CNTRL: variants seen among roughly 807,000 people sequenced by gnomAD.
CNTRL encodes the protein 110 kDa centrosomal protein.
Under a neutral mutation model 303.7 loss-of-function variants are expected in CNTRL, and 233 were observed. That is an observed-to-expected ratio of 0.77 (90% confidence interval 0.69 to 0.86). The LOEUF is 0.86. Among genes scored for constraint, CNTRL ranks in the 40% least tolerant of loss-of-function variants. The pLI, the probability that CNTRL is intolerant of heterozygous loss-of-function variation, is 0.00. For missense variants in CNTRL, 2,524 were observed against 2,650.6 expected, an observed-to-expected ratio of 0.95 and a Z score of 1.05; for synonymous variants, 900 against 922.2, an observed-to-expected ratio of 0.98 and a Z score of 0.44.
chr9:121,142,357 A>T, intron 19 of CNTRL, 87 bp downstream of exon 19: 4 of 1,189,960 alleles, frequency 3.4e-6, no homozygotes, highest in Non-Finnish European at 4.6e-6. Flanking sequence ...GATGGGTGTG[A>T]TCTGTAGTCA....
intron 14 of CNTRL, among the ~76,000 whole-genome samples, chr9:121,131,396 T>G (rs1412543080): frequency 6.6e-6 from 1 of 152,254 alleles, no homozygotes; most frequent in Non-Finnish European, 1.5e-5. Flanking sequence ...TACCCTTCTT[T>G]GTCGCTTTTG....
Position 121,162,246 on chromosome 9 carries a change from G to GA in CNTRL, c.5405dup (p.Leu1803ValfsTer15), listed in dbSNP as rs1217756472. The GA allele has an allele frequency of 2.5e-6, 4 of 1,613,904 alleles. No homozygotes were observed. The highest frequency in any genetic ancestry group is 2.2e-5 in the East Asian group (1 of 44,874). On this transcript the variant is annotated frameshift_variant, in exon 34 of 44. Transcript: ENST00000373855. LOFTEE classifies it high-confidence loss of function. The stretch of plus-strand genomic sequence containing the variant: ...TCTCCAAGAGAAATGTGACATTTGG[G>GA]AAAAAAAGTTGGCACAAACCAAAAG...
chr9:121,117,978 CAAA>C (rs1052166182), intron 11 of CNTRL, among the ~76,000 whole-genome samples: 2 of 121,848 alleles, frequency 1.6e-5, no homozygotes, highest in African/African-American at 6.1e-5. Flanking sequence ...GACTCCGTCT[CAAA>C]AAAAAAAAAA....
intron 1 of CNTRL, among the ~76,000 whole-genome samples, chr9:121,078,485 C>T (rs1408071364): frequency 2.0e-5 from 3 of 152,162 alleles, no homozygotes; most frequent in South Asian, 4.1e-4. Flanking sequence ...AACATGATTC[C>T]GTAGGATTTT....
rs1249360179 is a variant in CNTRL, at chr9:121,162,073, A to T, written c.5225A>T (p.Asn1742Ile). ...ATTTAGGAGAAACTGGAGTTAGAGA[A>T]TTTGCAGCAGATATCCCAGCAGCAG... ...AVLEEKLELE[N>I]LQQISQQQKG... The change falls in exon 34 of 44, where the codon AAT (asparagine) becomes ATT (isoleucine). Residue 1742 changes from asparagine to isoleucine, a missense_variant. Physicochemically the swap from Asn to Ile is moderately radical, Grantham distance 149. Coordinates refer to ENST00000373855, the MANE Select transcript of CNTRL (RefSeq NM_007018.6). 6.2e-7 allele frequency: 1 copy of T among 1,614,206 alleles called. No individual in the cohort carries two copies. The highest frequency in any genetic ancestry group is 1.3e-5 in the African/African-American group (1 of 75,058).
chr9:121,107,315 G>A (rs1326155921), intron 7 of CNTRL, among the ~76,000 whole-genome samples: 3 of 152,200 alleles, frequency 2.0e-5, no homozygotes, highest in Non-Finnish European at 2.9e-5. Context: ...AGCTGCAGTA[G>A]AGTATGCTTG....
At chr9:121,117,619 A>G (rs974002641) in intron 11 of CNTRL, among the ~76,000 whole-genome samples, 3 of 152,166 alleles carry the variant, frequency 2.0e-5, no homozygotes, top group Admixed American at 6.5e-5. Flanking sequence ...TCCATGATTC[A>G]GTTTCTTTAT....
chr9:121,095,105 T>C, intron 5 of CNTRL, 87 bp downstream of exon 5: 3 of 997,312 alleles, frequency 3.0e-6, no homozygotes, highest in Non-Finnish European at 2.9e-6. Flanking sequence ...ACTGAAAGAA[T>C]GATTTGACAG....
At chr9:121,087,893 G>A (rs1248190498) in intron 2 of CNTRL, among the ~76,000 whole-genome samples, 3 of 152,162 alleles carry the variant, frequency 2.0e-5, no homozygotes, top group Admixed American at 6.5e-5. Flanking sequence ...CCAGGAGAAT[G>A]CGGTGTCCCA....
At chr9:121,117,547 A>G (rs980610773) in intron 11 of CNTRL, among the ~76,000 whole-genome samples, 2 of 152,192 alleles carry the variant, frequency 1.3e-5, no homozygotes, top group African/African-American at 4.8e-5. Flanking sequence ...AATTGTCTAG[A>G]GTCACACAAA....
At position 121,173,425 on chromosome 9, in the gene CNTRL, G is replaced by A; in HGVS notation, c.6600G>A (p.Leu2200=). 5 of 1,613,950 alleles carry A rather than the reference G, an allele frequency of 3.1e-6. No individual in the cohort carries two copies. Among genetic ancestry groups the A allele is most frequent in the Non-Finnish European group, 4.2e-6 (5 of 1,179,992 alleles). The change falls in exon 41 of 44, where the codon TTG becomes TTA. Residue 2200 remains leucine, a synonymous_variant. Coordinates refer to ENST00000373855, the MANE Select transcript of CNTRL (RefSeq NM_007018.6). ...GAAACGAAAACCTAGAAGGAGAATT[G>A]GAAAGCTTGAAAGAGAACCTTCCAT... ...LERNENLEGE[L]ESLKENLPFT...
Position 121,107,874 on chromosome 9 carries a change from C to G in CNTRL, c.881C>G (p.Thr294Arg). ...IETEELKSKQTRFLEEIKNQD... is the reference protein window; with the variant it reads ...IETEELKSKQRRFLEEIKNQD... ...ACTGAAGAGCTTAAGAGCAAACAAACAAGGTTCCTTGAGGAAATTAAAAAT... is the reference window on the plus strand; with the variant it reads ...ACTGAAGAGCTTAAGAGCAAACAAAGAAGGTTCCTTGAGGAAATTAAAAAT... Residue 294 changes from threonine to arginine, a missense_variant, in exon 8 of 44, where the codon ACA becomes AGA. Coordinates refer to ENST00000373855, the MANE Select transcript of CNTRL (RefSeq NM_007018.6). The G allele has an allele frequency of 1.9e-6, 3 of 1,608,234 alleles. No homozygotes were observed. Among genetic ancestry groups the G allele is most frequent in the Non-Finnish European group, 1.7e-6 (2 of 1,177,594 alleles).
chr9:121,161,234 T>C (rs371550614), intron 32 of CNTRL: 3 of 429,016 alleles, frequency 7.0e-6, no homozygotes, highest in African/African-American at 2.0e-5. Context: ...GGTGAAATAA[T>C]GGTGGGTTTT....
At chr9:121,084,518 C>G (rs910770884) in intron 2 of CNTRL, among the ~76,000 whole-genome samples, 2 of 151,464 alleles carry the variant, frequency 1.3e-5, no homozygotes, top group African/African-American at 2.4e-5. Context: ...GCACAGCACA[C>G]TGTATGCCTA....
In CNTRL at chr9:121,118,289, TAATA is replaced by T. The variant is rs1175472605; in HGVS notation, c.1456-53_1456-50del. On this transcript the variant is annotated intron_variant, in intron 11 of 43. Coordinates refer to ENST00000373855, the MANE Select transcript of CNTRL (RefSeq NM_007018.6). ...CTTATTAAAATTATAGACATTGTCT[TAATA>T]AATCAGTGTTGTTCTTCTCTGTTAA... 1.5e-5 allele frequency: 19 copies of T among 1,292,046 alleles called. No homozygotes were observed. The African/African-American group carries it at 1.8e-4, about 12-fold the overall frequency. 80.0% of individuals were successfully genotyped at this position (1,292,046 alleles called of 1,614,324 possible).
At chr9:121,130,557 T>C (rs909149902) in intron 14 of CNTRL, among the ~76,000 whole-genome samples, 4 of 152,206 alleles carry the variant, frequency 2.6e-5, no homozygotes, top group Non-Finnish European at 4.4e-5. Context: ...GTCTATCTAT[T>C]TTGTTGATCT....
rs1286062207 is a variant in CNTRL, at chr9:121,157,975, C to CTT, written c.4638-6_4638-5dup. ...AGGATCTGCTCTAGTGTTGCTGGTG[C>CTT]TTTGTAGGCTTCAGAAACTACAGAA... On this transcript the variant is annotated splice_region_variant and splice_polypyrimidine_tract_variant and intron_variant, in intron 29 of 43. Coordinates refer to ENST00000373855, the MANE Select transcript of CNTRL (RefSeq NM_007018.6). The CTT allele has an allele frequency of 6.2e-7, 1 of 1,613,950 alleles. No homozygotes were observed. The highest frequency in any genetic ancestry group is 8.5e-7 in the Non-Finnish European group (1 of 1,180,000).
intron 22 of CNTRL, 55 bp downstream of exon 22, chr9:121,145,440 C>A: frequency 2.0e-6 from 3 of 1,518,170 alleles, no homozygotes; most frequent in South Asian, 1.3e-5. Flanking sequence ...AAAATTAAAT[C>A]ATCTCATTTG....
intron 20 of CNTRL, 76 bp downstream of exon 20, chr9:121,144,158 C>A: frequency 7.9e-7 from 1 of 1,272,948 alleles, no homozygotes; most frequent in East Asian, 2.4e-5. Context: ...TATTATTGAT[C>A]TTGCTATAGA....
Sources: gnomAD v4.1 joint callset for allele counts (sites outside exome capture counted in the v4.1 genomes callset) on GRCh38, gnomAD v4.1.1 for gene constraint, MANE v1.5 for transcripts, NCBI Gene and HGNC (gene_info 2026-07-23, HGNC 2026-07-21) for gene names.